The following POLA1 variants were observed in gnomAD, a reference collection of about 807,000 sequenced individuals.
POLA1 encodes DNA polymerase alpha 1, catalytic subunit.
POLA1 carries 15 observed loss-of-function variants against 124.0 expected under a neutral mutation model. That is an observed-to-expected ratio of 0.12 (90% CI 0.08 to 0.19). POLA1 has a LOEUF of 0.19. Among genes scored for constraint, POLA1 ranks in the 10% least tolerant of loss-of-function variants. POLA1 has a pLI of 1.00. For missense variants in POLA1, 886 were observed against 1,103.4 expected (o/e 0.80, Z 2.79); for synonymous variants, 408 against 389.4 (o/e 1.05, Z -0.56).
chrX:24,738,437 G>T (rs755099206), intron 19 of POLA1, among the ~76,000 whole-genome samples: 1 of 110,771 alleles, frequency 9.0e-6, no homozygotes, highest in South Asian at 3.8e-4. Flanking sequence ...GTTGATGTTG[G>T]TTGTATAAGA....
chrX:24,764,193 A>G (rs1165182466), intron 26 of POLA1, among the ~76,000 whole-genome samples: 1 of 112,463 alleles, frequency 8.9e-6, no homozygotes, highest in East Asian at 2.8e-4. Flanking sequence ...CGTTTGATAC[A>G]TAATAAGTAC....
intron 36 of POLA1, among the ~76,000 whole-genome samples, chrX:24,953,232 T>C (rs907427228): frequency 8.9e-6 from 1 of 112,016 alleles, no homozygotes; most frequent in African/African-American, 3.2e-5. Context: ...GAAAAAGAAA[T>C]CGTTAAACAT....
At chrX:24,836,116 T>C (rs2046338484) in intron 32 of POLA1, among the ~76,000 whole-genome samples, 1 of 112,150 alleles carries the variant, frequency 8.9e-6, no homozygotes, top group Non-Finnish European at 1.9e-5. Flanking sequence ...TTTTTGGGGA[T>C]ATTACACAAA....
At position 24,871,018 on chromosome X, in the gene POLA1, A is replaced by G. The variant is rs1370936092; in HGVS notation, c.4048-16988A>G. Among the ~76,000 whole-genome samples, 4 of 111,775 alleles carry G rather than the reference A, an allele frequency of 3.6e-5. 1 individual carries two copies. The East Asian group carries it at 1.1e-3, about 31-fold the overall frequency. The stretch of plus-strand genomic sequence containing the variant: ...TAGCAACCAAAGTATTCAGAGGGGA[A>G]TAAGGTATTTTGGGCTTTGAGAGGG... On this transcript the variant is annotated intron_variant, in intron 34 of 36. Coordinates refer to ENST00000379068, the MANE Select transcript of POLA1 (RefSeq NM_001330360.2).
At chrX:24,928,786 C>G (rs2047731036) in intron 35 of POLA1, among the ~76,000 whole-genome samples, 1 of 111,540 alleles carries the variant, frequency 9.0e-6, no homozygotes, top group South Asian at 3.8e-4. Flanking sequence ...CCCCAGGAAG[C>G]AGTAATCAGG....
chrX:24,763,493 C>T (rs1932835656), intron 26 of POLA1, among the ~76,000 whole-genome samples: 1 of 111,069 alleles, frequency 9.0e-6, no homozygotes, highest in Non-Finnish European at 1.9e-5. Context: ...GGTTTATAGT[C>T]ATTGTTAAAT....
intron 4 of POLA1, among the ~76,000 whole-genome samples, chrX:24,707,030 A>G (rs1928858358): frequency 8.9e-6 from 1 of 112,255 alleles, no homozygotes; most frequent in Non-Finnish European, 1.9e-5. Context: ...TATGTGAACC[A>G]TCTTCCTGGT....
chrX:24,797,652 T>C (rs990229313), intron 26 of POLA1, among the ~76,000 whole-genome samples: 9 of 112,205 alleles, frequency 8.0e-5, no homozygotes, highest in African/African-American at 2.9e-4. Context: ...ATACTGTTGG[T>C]GTTTGAATGA....
chrX:24,975,165 C>T (rs1005869754), intron 36 of POLA1, among the ~76,000 whole-genome samples: 3 of 111,917 alleles, frequency 2.7e-5, no homozygotes, highest in African/African-American at 9.8e-5. Context: ...GTGTGCGCCA[C>T]CACGCCTGGC....
At chrX:24,806,075 T>G (rs2045794720) in intron 26 of POLA1, among the ~76,000 whole-genome samples, 1 of 38,902 alleles carries the variant, frequency 2.6e-5, no homozygotes, top group African/African-American at 1.1e-4. Context: ...TTTTTTTTTT[T>G]TTTTTTTTTT....
chrX:24,785,744 A>G (rs2045349232), intron 26 of POLA1, among the ~76,000 whole-genome samples: 1 of 112,102 alleles, frequency 8.9e-6, no homozygotes, highest in South Asian at 3.7e-4. Flanking sequence ...TACATTGTGC[A>G]ATGATTACCA....
At chrX:24,797,040 C>G (rs1028289807) in intron 26 of POLA1, among the ~76,000 whole-genome samples, 2 of 111,902 alleles carry the variant, frequency 1.8e-5, no homozygotes, top group African/African-American at 6.5e-5. Context: ...TCTCCAGTGT[C>G]ACTGCAATTA....
At chrX:24,732,201 C>T (rs775774390) in intron 15 of POLA1, among the ~76,000 whole-genome samples, 169 bp from the exon 16 acceptor site, 6 of 112,100 alleles carry the variant, frequency 5.4e-5, no homozygotes, top group Non-Finnish European at 1.1e-4. Flanking sequence ...GTGGTCCACC[C>T]GCCTCAGCCT....
chrX:24,701,491 G>A (rs1004423432), intron 2 of POLA1, among the ~76,000 whole-genome samples: 2 of 104,915 alleles, frequency 1.9e-5, no homozygotes, highest in African/African-American at 7.0e-5. Flanking sequence ...GCTGGAGTGC[G>A]ATGGCATGAT....
At chrX:24,933,449 A>C (rs1192360128) in intron 36 of POLA1, among the ~76,000 whole-genome samples, 1 of 112,050 alleles carries the variant, frequency 8.9e-6, no homozygotes, top group African/African-American at 3.2e-5. Flanking sequence ...CATGGCCAGA[A>C]CACCAGTAGA....
intron 35 of POLA1, among the ~76,000 whole-genome samples, chrX:24,890,030 G>A (rs1324636766): frequency 9.2e-6 from 1 of 108,616 alleles, no homozygotes; most frequent in Non-Finnish European, 1.9e-5. Flanking sequence ...ATATATACTT[G>A]TATCACATTT....
chrX:24,898,503 G>T (rs781231393), intron 35 of POLA1, among the ~76,000 whole-genome samples: 5 of 112,160 alleles, frequency 4.5e-5, no homozygotes, highest in Non-Finnish European at 9.4e-5. Context: ...TCTTCAAATG[G>T]CAGGCAATTA....
chrX:24,804,281 A>C (rs1163337858), intron 26 of POLA1, among the ~76,000 whole-genome samples: 1 of 111,605 alleles, frequency 9.0e-6, no homozygotes, highest in Non-Finnish European at 1.9e-5. Flanking sequence ...CAAGTGAGAG[A>C]ACTGAGTAGC....
At chrX:24,832,740 G>A (rs895530282) in intron 32 of POLA1, among the ~76,000 whole-genome samples, 2 of 111,799 alleles carry the variant, frequency 1.8e-5, no homozygotes, top group East Asian at 2.8e-4. Context: ...ACACATACAC[G>A]TACACTGTAT....
Sources: allele counts gnomAD v4.1 joint callset (sites outside exome capture counted in the v4.1 genomes callset), GRCh38; gene constraint gnomAD v4.1.1; transcripts MANE v1.5; gene names NCBI Gene and HGNC (gene_info 2026-07-23, HGNC 2026-07-21).